ANKRD11: variants seen among roughly 807,000 people sequenced by gnomAD.
ANKRD11 encodes the protein ankyrin repeat domain-containing protein 11.
In ANKRD11, 17 loss-of-function variants were observed where a neutral mutation model predicts 195.7. The ratio of observed to expected loss-of-function variants is 0.09; its 90% CI spans 0.06 to 0.13. ANKRD11 has a LOEUF of 0.13. Ranked by LOEUF, ANKRD11 falls within the 10% of genes least tolerant of loss-of-function variation. The pLI is 1.00. For missense variants in ANKRD11, 3,735 were observed against 3,566.1 expected (o/e 1.05, Z -1.21); for synonymous variants, 1,953 against 1,528.1 (o/e 1.28, Z -6.49).
chr16:89,422,762 G>A (rs1269578012), intron 1 of ANKRD11, among the ~76,000 whole-genome samples: 1 of 152,156 alleles, frequency 6.6e-6, no homozygotes, highest in Non-Finnish European at 1.5e-5. Flanking sequence ...GTTCAAGATT[G>A]CTCATGTTTT....
intron 1 of ANKRD11, among the ~76,000 whole-genome samples, chr16:89,453,235 T>C (rs2056275515): frequency 6.6e-6 from 1 of 152,228 alleles, no homozygotes; most frequent in South Asian, 2.1e-4. Context: ...TCACTACTTC[T>C]CTGACATTAA....
intron 1 of ANKRD11, among the ~76,000 whole-genome samples, chr16:89,456,319 C>G (rs564304982): frequency 1.1e-4 from 17 of 152,020 alleles, no homozygotes; most frequent in African/African-American, 4.1e-4. Flanking sequence ...GAGGGCAAGA[C>G]AGGCAGACCA....
intron 12 of ANKRD11, 27 bp downstream of exon 12, chr16:89,270,790 A>G: frequency 6.2e-7 from 1 of 1,607,196 alleles, no homozygotes; most frequent in East Asian, 2.2e-5. Context: ...TCCCCCAGGC[A>G]GAACTGAGGG....
At chr16:89,407,200 AAAAG>A (rs1321247075) in intron 2 of ANKRD11, among the ~76,000 whole-genome samples, 5 of 152,172 alleles carry the variant, frequency 3.3e-5, no homozygotes, top group Non-Finnish European at 5.9e-5. Context: ...AGATAAAAAA[AAAAG>A]AACACGCAGA....
At chr16:89,346,132 C>T (rs1375510649) in intron 2 of ANKRD11, among the ~76,000 whole-genome samples, 1 of 151,662 alleles carries the variant, frequency 6.6e-6, no homozygotes, top group Admixed American at 6.6e-5. Flanking sequence ...GCTTGTAATC[C>T]CAGCTACTCG....
At chr16:89,342,074 ACCG>A (rs71134207) in intron 2 of ANKRD11, among the ~76,000 whole-genome samples, 664 of 40,190 alleles carry the variant, frequency 0.017, 17 homozygotes, top group East Asian at 0.039. Flanking sequence ...CTGCACCTCC[ACCG>A]CCCACAGCTC....
chr16:89,385,188 G>GT (rs1286141865), intron 2 of ANKRD11, among the ~76,000 whole-genome samples: 1 of 146,826 alleles, frequency 6.8e-6, no homozygotes, highest in African/African-American at 2.5e-5. Context: ...GAGAAATGGT[G>GT]TTTTTTTGTT....
At chr16:89,273,295 A>C (rs1458757331) in intron 11 of ANKRD11, among the ~76,000 whole-genome samples, 6 of 152,194 alleles carry the variant, frequency 3.9e-5, no homozygotes, top group Non-Finnish European at 7.3e-5. Context: ...TGCTCTGTAC[A>C]GAGCTGTCCT....
chr16:89,396,622 A>G (rs1275495322), intron 2 of ANKRD11, among the ~76,000 whole-genome samples: 1 of 152,148 alleles, frequency 6.6e-6, no homozygotes, highest in African/African-American at 2.4e-5. Flanking sequence ...GCTGTCTTCT[A>G]TGAAGCCACA....
intron 1 of ANKRD11, among the ~76,000 whole-genome samples, chr16:89,476,824 G>C (rs2057275245): frequency 8.1e-6 from 1 of 123,880 alleles, no homozygotes; most frequent in Admixed American, 8.3e-5. Flanking sequence ...GATGAGAGCT[G>C]GGGTGGAGAG....
At chr16:89,432,624 G>A (rs572972804) in intron 1 of ANKRD11, among the ~76,000 whole-genome samples, 3 of 151,928 alleles carry the variant, frequency 2.0e-5, no homozygotes, top group Admixed American at 6.6e-5. Context: ...AATTCTCTAC[G>A]GAGATATGTA....
chr16:89,377,363 C>A (rs1328999771), intron 2 of ANKRD11, among the ~76,000 whole-genome samples: 2 of 151,780 alleles, frequency 1.3e-5, no homozygotes, highest in Non-Finnish European at 2.9e-5. Flanking sequence ...CTGTCAAACC[C>A]AAAACAATGA....
chr16:89,428,322 G>A lies in ANKRD11; in HGVS notation c.-144-9954C>T, dbSNP rs190957390. 2.9e-4 allele frequency among the ~76,000 whole-genome samples: 44 copies of A among 152,184 alleles called. No individual in the cohort carries two copies. In the East Asian group the frequency reaches 5.6e-3, roughly 19 times the overall value. On this transcript the variant is annotated intron_variant, in intron 1 of 12. Transcript: ENST00000301030. The stretch of plus-strand genomic sequence containing the variant: ...GGGCAGATCAGAAGGTCAGGAGATC[G>A]AGACCATCCTGGCCAACACGGTGAA...
intron 2 of ANKRD11, among the ~76,000 whole-genome samples, chr16:89,363,170 T>TA (rs901300898): frequency 9.5e-4 from 144 of 152,078 alleles, no homozygotes; most frequent in African/African-American, 2.3e-3. Flanking sequence ...CTATCCCTGT[T>TA]AAAAAAAATA....
chr16:89,411,860 C>G (rs933052043), intron 2 of ANKRD11, among the ~76,000 whole-genome samples: 1 of 152,196 alleles, frequency 6.6e-6, no homozygotes, highest in Non-Finnish European at 1.5e-5. Flanking sequence ...TGGCCAGTAA[C>G]GAAGATGCCT....
chr16:89,318,128 C>A (rs547878579), intron 2 of ANKRD11, among the ~76,000 whole-genome samples: 11 of 152,340 alleles, frequency 7.2e-5, no homozygotes, highest in Non-Finnish European at 1.3e-4. Context: ...TGTGAGGCTG[C>A]CCCTCTGCGA....
rs2034384587 is a variant in ANKRD11 at position 89,282,942 on chromosome 16, T to C, written c.3600A>G (p.Lys1200=). Residue 1200 remains lysine, a synonymous_variant, in exon 9 of 13, where the codon AAA becomes AAG. Coordinates refer to ENST00000301030, the MANE Select transcript of ANKRD11 (RefSeq NM_013275.6). ...AADAGRDKKE[K]VFEKHKEKKD... ...TCTTCTCCTTGTGCTTTTCAAAGAC[T>C]TTCTCTTTTTTGTCTCTCCCCGCGT... The C allele has an allele frequency of 6.2e-7, 1 of 1,613,236 alleles. No individual in the cohort carries two copies. The highest frequency in any genetic ancestry group is 8.5e-7 in the Non-Finnish European group (1 of 1,179,954).
chr16:89,451,411 C>T (rs1288336959), intron 1 of ANKRD11, among the ~76,000 whole-genome samples: 6 of 130,172 alleles, frequency 4.6e-5, no homozygotes, highest in Admixed American at 8.2e-5. Flanking sequence ...TCACAAATTA[C>T]TTTTTTTTTT....
At chr16:89,434,104 A>G (rs750551361) in intron 1 of ANKRD11, among the ~76,000 whole-genome samples, 1 of 152,072 alleles carries the variant, frequency 6.6e-6, no homozygotes, top group Non-Finnish European at 1.5e-5. Context: ...GAAATAAACA[A>G]CAGGCCCCAA....
Sources: allele counts gnomAD v4.1 joint callset (sites outside exome capture counted in the v4.1 genomes callset), GRCh38; gene constraint gnomAD v4.1.1; transcripts MANE v1.5; gene names NCBI Gene and HGNC (gene_info 2026-07-23, HGNC 2026-07-21).